RB1CC1: variants seen among roughly 807,000 people sequenced by gnomAD.
RB1CC1 encodes the protein RB1-inducible coiled-coil protein 1.
Under a neutral mutation model 177.5 loss-of-function variants are expected in RB1CC1, and 46 were observed. The observed-to-expected ratio is 0.26, with a 90% confidence interval of 0.20 to 0.33. The LOEUF is 0.33. Ranked by LOEUF, RB1CC1 falls within the 10% of genes least tolerant of loss-of-function variation. RB1CC1 has a pLI of 1.00. For synonymous variants in RB1CC1, 666 were observed against 613.6 expected (o/e 1.09, Z -1.26); for missense variants, 1,703 against 1,816.3 (o/e 0.94, Z 1.13).
chr8:52,705,441 A>T (rs913535411), intron 1 of RB1CC1, among the ~76,000 whole-genome samples: 1 of 152,216 alleles, frequency 6.6e-6, no homozygotes, highest in African/African-American at 2.4e-5. Flanking sequence ...AATGATTAAA[A>T]TGAGTGCTAA....
chr8:52,709,255 T>C (rs1856852729), intron 1 of RB1CC1, among the ~76,000 whole-genome samples: 2 of 152,118 alleles, frequency 1.3e-5, no homozygotes, highest in African/African-American at 4.8e-5. Context: ...TGCATTTGTT[T>C]CCAGATGTAC....
chr8:52,663,183 A>G (rs539240010), intron 8 of RB1CC1, among the ~76,000 whole-genome samples: 2 of 152,256 alleles, frequency 1.3e-5, no homozygotes, highest in South Asian at 4.1e-4. Context: ...GCTACATGAT[A>G]GCACTGTAGT....
intron 1 of RB1CC1, among the ~76,000 whole-genome samples, chr8:52,712,181 CAAAAG>C (rs1857111606): frequency 6.6e-6 from 1 of 152,064 alleles, no homozygotes; most frequent in Non-Finnish European, 1.5e-5. Context: ...AGTATTACTA[CAAAAG>C]AAAAGTGTAA....
chr8:52,679,954 CCT>C (rs146486578), intron 5 of RB1CC1, among the ~76,000 whole-genome samples: 3,597 of 152,142 alleles, frequency 0.024, 161 homozygotes, highest in African/African-American at 0.082. Flanking sequence ...CATCTCCATC[CCT>C]CTCTTACACA....
intron 19 of RB1CC1, among the ~76,000 whole-genome samples, chr8:52,635,225 A>T (rs1421401449): frequency 6.6e-6 from 1 of 152,152 alleles, no homozygotes; most frequent in South Asian, 2.1e-4. Flanking sequence ...GGAATATATA[A>T]ATATGTAGTA....
chr8:52,655,147 C>A (rs926989994), intron 15 of RB1CC1, among the ~76,000 whole-genome samples: 3 of 152,094 alleles, frequency 2.0e-5, no homozygotes, highest in African/African-American at 7.2e-5. Flanking sequence ...AATGCCCCCT[C>A]CCCCAGAATA....
At chr8:52,705,583 T>G (rs1474709618) in intron 1 of RB1CC1, among the ~76,000 whole-genome samples, 1 of 152,222 alleles carries the variant, frequency 6.6e-6, no homozygotes, top group East Asian at 1.9e-4. Context: ...ATTCTACTTC[T>G]GGGAGCAAAG....
At chr8:52,675,712 TCCAA>T (rs1175605378) in intron 6 of RB1CC1, among the ~76,000 whole-genome samples, 13 of 48,422 alleles carry the variant, frequency 2.7e-4, no homozygotes, top group African/African-American at 4.0e-4. Flanking sequence ...CTACTAAAAA[TCCAA>T]AAAAAAAAAA....
chr8:52,624,695 T>C, intron 23 of RB1CC1, 22 bp downstream of exon 23: 5 of 1,540,856 alleles, frequency 3.2e-6, no homozygotes, highest in Non-Finnish European at 4.5e-6. Flanking sequence ...CCAGGCTTAG[T>C]ATCACATGAT....
At chr8:52,680,993 T>TGTG (rs1474178858) in intron 5 of RB1CC1, among the ~76,000 whole-genome samples, 4 of 97,404 alleles carry the variant, frequency 4.1e-5, no homozygotes, top group African/African-American at 1.5e-4. Context: ...TGTGTGTGTG[T>TGTG]GTTTTTTTTT....
chr8:52,647,190 A>G (rs561645390), intron 15 of RB1CC1, among the ~76,000 whole-genome samples: 4 of 152,302 alleles, frequency 2.6e-5, no homozygotes, highest in African/African-American at 7.2e-5. Context: ...TAAAAATCTA[A>G]TAACTTAAAC....
In RB1CC1 at chr8:52,642,404, T is replaced by G. The variant is rs151257747; in HGVS notation, c.4284A>C (p.Thr1428=). Residue 1428 remains threonine (T), a synonymous_variant, in exon 18 of 24, where the codon ACA becomes ACC. Coordinates refer to ENST00000025008, the MANE Select transcript of RB1CC1 (RefSeq NM_014781.5). ...PGESDRSAVE[T]ADEGRVDSAM... ...CTGAATCCACTCTTCCTTCATCTGCTGTTTCCACAGCGGATCTATCTGATT... is the reference window on the plus strand; with the variant it reads ...CTGAATCCACTCTTCCTTCATCTGCGGTTTCCACAGCGGATCTATCTGATT... The G allele has an allele frequency of 1.8e-4, 287 of 1,614,140 alleles. 3 individuals are homozygous for G. In the African/African-American group the frequency reaches 3.3e-3, roughly 19 times the overall value.
intron 1 of RB1CC1, among the ~76,000 whole-genome samples, chr8:52,694,833 G>A (rs1855229282): frequency 1.3e-5 from 2 of 152,166 alleles, no homozygotes; most frequent in Non-Finnish European, 2.9e-5. Context: ...CTAGTTTAGT[G>A]GGAGAGGAAA....
intron 15 of RB1CC1, among the ~76,000 whole-genome samples, chr8:52,650,321 G>A (rs917027966): frequency 6.6e-6 from 1 of 152,240 alleles, no homozygotes; most frequent in Non-Finnish European, 1.5e-5. Flanking sequence ...GCTGAAGAGA[G>A]AGACTCTGGA....
At position 52,623,827 on chromosome 8, in the gene RB1CC1, T is replaced by A; in HGVS notation, c.4740A>T (p.Thr1580=). Residue 1580 remains threonine, a synonymous_variant, in exon 24 of 24, where the codon ACA becomes ACT. Transcript: ENST00000025008. The part of the protein sequence containing the change: ...AQNRFKVPLG[T]KFYRVKAVSW... The stretch of plus-strand genomic sequence containing the variant: ...ATACGGCTTTCACTCTGTAAAACTT[T>A]GTCCCCAAAGGAACTTTAAATCTGT... The A allele has an allele frequency of 6.2e-7, 1 of 1,610,032 alleles. No homozygotes were observed. Among genetic ancestry groups the A allele is most frequent in the East Asian group, 2.2e-5 (1 of 44,834 alleles).
At position 52,624,781 on chromosome 8, in the gene RB1CC1, C is replaced by T. The variant is rs770504874; in HGVS notation, c.4643G>A (p.Gly1548Asp). 9.7e-6 allele frequency: 15 copies of T among 1,545,968 alleles called. No individual in the cohort carries two copies. In the East Asian group the frequency reaches 3.2e-4, roughly 33 times the overall value. The change falls in exon 23 of 24, where the codon GGT becomes GAT. Residue 1548 changes from glycine (G) to aspartate (D), a missense_variant. Around this residue, in one of 6 missense-constraint regions of RB1CC1, gnomAD observed 70 missense variants for 118.0 expected, o/e 0.59. Transcript: ENST00000025008. Reference protein sequence around the residue: ...LDLKPGEGASGASRRPWVLGK... With the variant: ...LDLKPGEGASDASRRPWVLGK... ...AAGTACCCAGGGTCTTCTAGATGCA[C>T]CTGAAGCTAATGAAATTAAATAGTT...
intron 1 of RB1CC1, among the ~76,000 whole-genome samples, chr8:52,712,792 T>C (rs1468564115): frequency 6.6e-6 from 1 of 152,242 alleles, no homozygotes; most frequent in Non-Finnish European, 1.5e-5. Flanking sequence ...AGGAATGTTA[T>C]TGAGAAAATA....
At chr8:52,706,927 T>A (rs146601758) in intron 1 of RB1CC1, among the ~76,000 whole-genome samples, 1,822 of 152,070 alleles carry the variant, frequency 0.012, 42 homozygotes, top group African/African-American at 0.042. Flanking sequence ...CTCCCAAAGT[T>A]CTGGGAATAC....
chr8:52,631,508 T>C (rs777814320), intron 20 of RB1CC1, among the ~76,000 whole-genome samples: 2 of 152,198 alleles, frequency 1.3e-5, no homozygotes, highest in Non-Finnish European at 2.9e-5. Flanking sequence ...TTTCCTAGCA[T>C]GTGGTTACAG....
Sources: allele counts gnomAD v4.1 joint callset (sites outside exome capture counted in the v4.1 genomes callset), GRCh38; gene constraint gnomAD v4.1.1; regional missense constraint gnomAD v4.1.1; transcripts MANE v1.5; gene names NCBI Gene and HGNC (gene_info 2026-07-23, HGNC 2026-07-21).